PFKFB2: variants seen among roughly 807,000 people sequenced by gnomAD.
The protein encoded by PFKFB2 is 6-phosphofructo-2-kinase/fructose-2,6-bisphosphatase 2.
A neutral mutation model predicts 68.0 loss-of-function variants in PFKFB2; 53 were observed. The ratio of observed to expected loss-of-function variants is 0.78; its 90% CI spans 0.63 to 0.98. PFKFB2 has a LOEUF of 0.98. Ranked by LOEUF, PFKFB2 falls within the 50% of genes least tolerant of loss-of-function variation. The probability of loss-of-function intolerance (pLI) is 0.00; values close to 1 mark genes in which losing one functional copy is unlikely to be tolerated. For missense variants in PFKFB2, 451 were observed against 642.0 expected (o/e 0.70, Z 3.22); for synonymous variants, 222 against 227.6 (o/e 0.98, Z 0.22).
downstream of PFKFB2, chr1:207,079,132 G>A (rs1426913995): frequency 3.4e-6 from 3 of 894,934 alleles, no homozygotes; most frequent in Non-Finnish European, 1.8e-6. Context: ...TGGACTTTGG[G>A]GGCCACCAAA....
chr1:207,037,846 T>C (rs1682407413), intron 1 of PFKFB2, among the ~76,000 whole-genome samples: 1 of 152,218 alleles, frequency 6.6e-6, no homozygotes, highest in African/African-American at 2.4e-5. Flanking sequence ...TTCTCAGTAA[T>C]CATATCTATA....
rs897453091 is a variant in PFKFB2 at position 207,068,437 on chromosome 1, C to G, written c.987+128C>G. 7.3e-5 allele frequency: 52 copies of G among 715,742 alleles called. 1 individual carries two copies. The highest frequency in any genetic ancestry group is 6.8e-4 in the Admixed American group (19 of 28,134). 44.3% of individuals were successfully genotyped at this position (715,742 alleles called of 1,614,324 possible). A position where few individuals can be genotyped will look rare whatever the true frequency, so the allele number is the denominator to read the frequency against. On this transcript the variant is annotated intron_variant, in intron 10 of 14. Coordinates refer to ENST00000367080, the MANE Select transcript of PFKFB2 (RefSeq NM_006212.2). Reference sequence around the variant, plus strand: ...CAAGTAAAAACTCTGAGGAAGCTGACTCTATGGCCAGCCCGGGGGATCAGG... The same window carrying G: ...CAAGTAAAAACTCTGAGGAAGCTGAGTCTATGGCCAGCCCGGGGGATCAGG...
chr1:207,062,069 C>A lies in PFKFB2; in HGVS notation c.202C>A (p.Pro68Thr), dbSNP rs1420545915. The part of the protein sequence containing the change: ...LTRYLNWIGV[P>T]TKVFNLGVYR... ...ACGCTACCTCAACTGGATTGGAGTC[C>A]CCACCAAAGGTAAGTGTGGCTCATT... Residue 68 changes from proline to threonine, a missense_variant, in exon 3 of 15, where the codon CCC (proline) becomes ACC (threonine). Coordinates refer to ENST00000367080, the MANE Select transcript of PFKFB2 (RefSeq NM_006212.2). 6.2e-7 allele frequency: 1 copy of A among 1,613,994 alleles called. No individual in the cohort carries two copies. The highest frequency in any genetic ancestry group is 1.1e-5 in the South Asian group (1 of 91,076).
At chr1:207,049,214 T>G, upstream of PFKFB2, 1 of 1,614,002 alleles carries the variant, frequency 6.2e-7, no homozygotes, top group East Asian at 2.2e-5. Flanking sequence ...GAGGAGAAAA[T>G]GGTCAGAGGA....
At chr1:207,071,849 C>G (rs907359903) in intron 14 of PFKFB2, among the ~76,000 whole-genome samples, 2 of 152,092 alleles carry the variant, frequency 1.3e-5, no homozygotes, top group African/African-American at 4.8e-5. Flanking sequence ...ATTACTACCC[C>G]CCTCCAACCC....
At position 207,071,574 on chromosome 1, in the gene PFKFB2, G is replaced by T. The variant is rs755573907; in HGVS notation, c.1350+1G>T. On this transcript the variant is annotated splice_donor_variant, in intron 14 of 14. Transcript: ENST00000367080. LOFTEE classifies it high-confidence loss of function. The stretch of plus-strand genomic sequence containing the variant: ...GAACACGCACCGTGACAAGCCAACT[G>T]TAAGTATTTTCCCACGATGAACACA... The T allele has an allele frequency of 1.7e-5, 28 of 1,611,842 alleles. No homozygotes were observed. Among genetic ancestry groups the T allele is most frequent in the Middle Eastern group, 1.6e-4 (1 of 6,078 alleles).
chr1:207,065,246 C>T, intron 8 of PFKFB2, 86 bp downstream of exon 8: 3 of 1,565,038 alleles, frequency 1.9e-6, no homozygotes, highest in Non-Finnish European at 2.6e-6. Context: ...CTCTAACTTC[C>T]TTCTGATAAT....
chr1:207,055,984 G>A (rs1303114554), intron 2 of PFKFB2, among the ~76,000 whole-genome samples: 1 of 152,300 alleles, frequency 6.6e-6, no homozygotes, highest in East Asian at 1.9e-4. Flanking sequence ...CATGATGTTT[G>A]AGTATAGCCT....
Position 207,076,344 on chromosome 1 carries a change from T to C in PFKFB2, c.*3973T>C. On this transcript the variant is annotated 3_prime_UTR_variant, in exon 15 of 15. Coordinates refer to ENST00000367080, the MANE Select transcript of PFKFB2 (RefSeq NM_006212.2). ...AATGGGCACGGGAAAAAGTATCCAG[T>C]AATCAGAAGAATTGTATCTGGGTTA... The C allele has an allele frequency of 1.0e-6, 1 of 985,154 alleles. No homozygotes were observed. The highest frequency in any genetic ancestry group is 1.2e-6 in the Non-Finnish European group (1 of 829,878). The allele number at this position is 985,154 out of a possible 1,614,324, so 61.0% of individuals were successfully genotyped here.
rs2102288439 is a variant in PFKFB2, at chr1:207,076,159, C to T, written c.*3788C>T. On this transcript the variant is annotated 3_prime_UTR_variant, in exon 15 of 15. Transcript: ENST00000367080. ...ATGAGGATCTGGGTAATCCTCTTTGCAACCCACATTTGGTCTTCAGAGACA... is the reference window on the plus strand; with the variant it reads ...ATGAGGATCTGGGTAATCCTCTTTGTAACCCACATTTGGTCTTCAGAGACA... 1 of 984,996 alleles carries T rather than the reference C, an allele frequency of 1.0e-6. No homozygotes were observed. The highest frequency in any genetic ancestry group is 6.1e-5 in the Admixed American group (1 of 16,286). The allele number at this position is 984,996 out of a possible 1,614,324, so 61.0% of individuals were successfully genotyped here. A position where few individuals can be genotyped will look rare whatever the true frequency, so the allele number is the denominator to read the frequency against.
intron 1 of PFKFB2, among the ~76,000 whole-genome samples, chr1:207,034,660 C>T (rs2791712): frequency 0.11 from 17,103 of 152,108 alleles, 3,145 homozygotes; most frequent in African/African-American, 0.38. Context: ...ATCATCTTTC[C>T]CTTCCTCCCT....
intron 2 of PFKFB2, chr1:207,045,570 T>C (rs1225411841): frequency 6.6e-6 from 1 of 151,908 alleles, no homozygotes; most frequent in Admixed American, 6.6e-5. Flanking sequence ...TAATTCTTAG[T>C]ATGTTTAGGA....
At chr1:207,065,680 T>C (rs1373520684) in intron 8 of PFKFB2, among the ~76,000 whole-genome samples, 1 of 152,188 alleles carries the variant, frequency 6.6e-6, no homozygotes, top group Admixed American at 6.5e-5. Flanking sequence ...CAATTTTTTC[T>C]CTCCAGTCTC....
rs570940450 is a variant in PFKFB2, at chr1:207,072,998, G to A, written c.*627G>A. 1,906 of 985,484 alleles carry A rather than the reference G, an allele frequency of 1.9e-3. 2 individuals are homozygous for A. The highest frequency in any genetic ancestry group is 5.4e-3 in the Admixed American group (88 of 16,290). The allele number at this position is 985,484 out of a possible 1,614,324, so 61.0% of individuals were successfully genotyped here. A position where few individuals can be genotyped will look rare whatever the true frequency, so the allele number is the denominator to read the frequency against. On this transcript the variant is annotated 3_prime_UTR_variant, in exon 15 of 15. Transcript: ENST00000367080. ...CAGTGGGTCTAAATGGATCTGGACT[G>A]GAGGAGTCTTTCCTTTCCTTTCTCC...
intron 2 of PFKFB2, chr1:207,047,227 C>G (rs1050031128): frequency 1.3e-5 from 2 of 152,348 alleles, no homozygotes; most frequent in Non-Finnish European, 2.9e-5. Flanking sequence ...AAATAGAAAA[C>G]TAAACACTTT....
At chr1:207,038,675 C>T (rs1013925759) in intron 1 of PFKFB2, among the ~76,000 whole-genome samples, 1 of 152,142 alleles carries the variant, frequency 6.6e-6, no homozygotes, top group African/African-American at 2.4e-5. Context: ...CTTTTCATAG[C>T]ATCTGTATTT....
chr1:207,053,510 T>G (rs1682817179), intron 1 of PFKFB2, 144 bp downstream of exon 1: 1 of 152,608 alleles, frequency 6.6e-6, no homozygotes, highest in African/African-American at 2.4e-5. Flanking sequence ...AGCCACAGTC[T>G]GTGTTTGGGT....
downstream of PFKFB2, among the ~76,000 whole-genome samples, chr1:207,078,464 C>T (rs1223477288): frequency 1.3e-5 from 2 of 152,156 alleles, no homozygotes; most frequent in Admixed American, 1.3e-4. Context: ...AAAAATTTCC[C>T]ACAAGGTAAA....
In PFKFB2 at chr1:207,076,148, A is replaced by C. The variant is rs1683615672; in HGVS notation, c.*3777A>C. 1 of 985,046 alleles carries C rather than the reference A, an allele frequency of 1.0e-6. No homozygotes were observed. Among genetic ancestry groups the C allele is most frequent in the Non-Finnish European group, 1.2e-6 (1 of 829,684 alleles). The allele number at this position is 985,046 out of a possible 1,614,324, so 61.0% of individuals were successfully genotyped here. A position where few individuals can be genotyped will look rare whatever the true frequency, so the allele number is the denominator to read the frequency against. On this transcript the variant is annotated 3_prime_UTR_variant, in exon 15 of 15. Coordinates refer to ENST00000367080, the MANE Select transcript of PFKFB2 (RefSeq NM_006212.2). Reference sequence around the variant, plus strand: ...GAGTATTCCATATGAGGATCTGGGTAATCCTCTTTGCAACCCACATTTGGT... The same window carrying C: ...GAGTATTCCATATGAGGATCTGGGTCATCCTCTTTGCAACCCACATTTGGT...
Sources: allele counts gnomAD v4.1 joint callset (sites outside exome capture counted in the v4.1 genomes callset), GRCh38; gene constraint gnomAD v4.1.1; transcripts MANE v1.5; gene names NCBI Gene and HGNC (gene_info 2026-07-23, HGNC 2026-07-21).